Variants in ATP6V0A1 observed in about 807,000 individuals in gnomAD.
The protein encoded by ATP6V0A1 is V-type proton ATPase 116 kDa subunit a 1.
In ATP6V0A1, 43 loss-of-function variants were observed where a neutral mutation model predicts 105.4. That is an observed-to-expected ratio of 0.41 (90% CI 0.32 to 0.53). The LOEUF (loss-of-function observed/expected upper bound fraction) is 0.53. Ranked by LOEUF, ATP6V0A1 falls within the 20% of genes least tolerant of loss-of-function variation. The probability of loss-of-function intolerance (pLI) is 0.30; values close to 1 mark genes in which losing one functional copy is unlikely to be tolerated. For synonymous variants in ATP6V0A1, 362 were observed against 372.8 expected, an observed-to-expected ratio of 0.97 and a Z score of 0.33; for missense variants, 676 against 1,051.1, an observed-to-expected ratio of 0.64 and a Z score of 4.93.
intron 9 of ATP6V0A1, among the ~76,000 whole-genome samples, chr17:42,486,585 C>T (rs1176422065): frequency 6.6e-6 from 1 of 152,110 alleles, no homozygotes; most frequent in Non-Finnish European, 1.5e-5. Flanking sequence ...ATAAAGGTAA[C>T]ACCTTAGCTG....
At chr17:42,468,904 G>A (rs1027192073) in intron 4 of ATP6V0A1, among the ~76,000 whole-genome samples, 1 of 152,010 alleles carries the variant, frequency 6.6e-6, no homozygotes, top group Non-Finnish European at 1.5e-5. Flanking sequence ...GGACTACAGT[G>A]ACCCCATCTT....
At chr17:42,471,390 C>A (rs891480811) in intron 5 of ATP6V0A1, 1 of 150,466 alleles carries the variant, frequency 6.6e-6, no homozygotes, top group African/African-American at 2.5e-5. Context: ...CCACTGCACT[C>A]CAGCCTGGGC....
At chr17:42,514,020 T>C (rs2092483220) in intron 20 of ATP6V0A1, 42 bp downstream of exon 20, 1 of 1,574,702 alleles carries the variant, frequency 6.4e-7, no homozygotes, top group African/African-American at 1.4e-5. Flanking sequence ...AGTTTCCCCC[T>C]CTGTGGGCGC....
At chr17:42,513,817 C>T (rs1167704507) in intron 19 of ATP6V0A1, 44 bp from the exon 20 acceptor site, 6 of 1,569,492 alleles carry the variant, frequency 3.8e-6, no homozygotes, top group Non-Finnish European at 5.3e-6. Flanking sequence ...CTGCACGTTC[C>T]CCTCCTAGCC....
At chr17:42,520,696 T>C (rs983685211) in intron 21 of ATP6V0A1, 5 of 423,508 alleles carry the variant, frequency 1.2e-5, no homozygotes, top group African/African-American at 1.0e-4. Flanking sequence ...GAGGGGGCGA[T>C]GGGGGCCACT....
intron 12 of ATP6V0A1, 79 bp from the exon 13 acceptor site, chr17:42,494,955 C>T (rs1185015739): frequency 2.1e-6 from 3 of 1,442,442 alleles, no homozygotes; most frequent in African/African-American, 2.8e-5. Context: ...GAGAAAGGGG[C>T]AGGTATATTC....
intron 21 of ATP6V0A1, 60 bp from the exon 22 acceptor site, chr17:42,520,967 G>T: frequency 6.9e-7 from 1 of 1,449,844 alleles, no homozygotes; most frequent in Non-Finnish European, 9.4e-7. Flanking sequence ...CAACTGTGAA[G>T]TCCTAAAAAG....
intron 5 of ATP6V0A1, among the ~76,000 whole-genome samples, chr17:42,475,314 T>G (rs2088585012): frequency 6.6e-6 from 1 of 152,242 alleles, no homozygotes; most frequent in Admixed American, 6.5e-5. Context: ...TTCTACTTCC[T>G]TTTTGTAAGG....
chr17:42,507,531 CT>C lies in ATP6V0A1; in HGVS notation c.2019del (p.Phe673LeufsTer87). 1 of 1,612,174 alleles carries C rather than the reference CT, an allele frequency of 6.2e-7. No homozygotes were observed. Among genetic ancestry groups the C allele is most frequent in the Non-Finnish European group, 8.5e-7 (1 of 1,178,624 alleles). On this transcript the variant is annotated frameshift_variant, in exon 18 of 22. Coordinates refer to ENST00000343619, the MANE Select transcript of ATP6V0A1 (RefSeq NM_001130021.3). LOFTEE classifies it high-confidence loss of function. ...GTTCATCTGTGTAGGGAACTCTCAA[CT>C]TTGGTGGGATCAGGGTGGGCAACGG... is the stretch of plus-strand genomic sequence containing the variant. Reference protein sequence around the residue: ...LRRKHLGTLNFGGIRVGNGPT... With the variant: ...LRRKHLGTLNXGGIRVGNGPT...
intron 21 of ATP6V0A1, chr17:42,520,775 T>G (rs1291283148): frequency 2.0e-6 from 1 of 491,500 alleles, no homozygotes; most frequent in African/African-American, 1.9e-5. Context: ...CAGAGAGTTG[T>G]GCATAAACAC....
intron 21 of ATP6V0A1, among the ~76,000 whole-genome samples, chr17:42,515,718 G>A (rs964129343): frequency 8.5e-5 from 13 of 152,130 alleles, no homozygotes; most frequent in Admixed American, 7.2e-4. Context: ...AACCCAGGAA[G>A]TGGAGGTTGC....
intron 21 of ATP6V0A1, 120 bp from the exon 22 acceptor site, chr17:42,520,907 C>T: frequency 1.1e-6 from 1 of 870,054 alleles, no homozygotes; most frequent in Admixed American, 2.4e-5. Flanking sequence ...TCTAGCTTCC[C>T]CAGGGAAGGG....
At chr17:42,498,553 C>T (rs914709623) in intron 14 of ATP6V0A1, among the ~76,000 whole-genome samples, 5 of 152,106 alleles carry the variant, frequency 3.3e-5, no homozygotes, top group Non-Finnish European at 5.9e-5. Context: ...GTCGACCGGG[C>T]GCGGTGGCTC....
At chr17:42,472,993 G>A (rs1339847428) in intron 5 of ATP6V0A1, among the ~76,000 whole-genome samples, 1 of 152,228 alleles carries the variant, frequency 6.6e-6, no homozygotes, top group Non-Finnish European at 1.5e-5. Context: ...AAGGTCTGCT[G>A]AGGATGTGAT....
intron 8 of ATP6V0A1, 140 bp from the exon 9 acceptor site, chr17:42,482,895 CAAA>C (rs71359573): frequency 8.4e-3 from 1,235 of 147,440 alleles, no homozygotes; most frequent in East Asian, 0.016. Context: ...AACTCTGTCT[CAAA>C]AAAAAAAAAA....
At chr17:42,505,245 G>A (rs1388794717) in intron 17 of ATP6V0A1, among the ~76,000 whole-genome samples, 1 of 149,300 alleles carries the variant, frequency 6.7e-6, no homozygotes, top group Non-Finnish European at 1.5e-5. Flanking sequence ...TTGCCCTGTC[G>A]CCCAGGCTAG....
At chr17:42,498,537 A>C (rs529376831) in intron 14 of ATP6V0A1, among the ~76,000 whole-genome samples, 2 of 152,268 alleles carry the variant, frequency 1.3e-5, no homozygotes, top group African/African-American at 4.8e-5. Flanking sequence ...TTAATAAATA[A>C]AAATTGTCGA....
chr17:42,472,491 G>A (rs1255595673), intron 5 of ATP6V0A1, among the ~76,000 whole-genome samples: 3 of 151,998 alleles, frequency 2.0e-5, no homozygotes, highest in Non-Finnish European at 4.4e-5. Flanking sequence ...TTGGGAGGCC[G>A]AGGCAGGGGG....
At chr17:42,469,667 A>C (rs2087617855) in intron 4 of ATP6V0A1, among the ~76,000 whole-genome samples, 1 of 148,008 alleles carries the variant, frequency 6.8e-6, no homozygotes, top group Admixed American at 6.8e-5. Context: ...TATGAGATGG[A>C]GTTTTGCTCT....
Sources: allele counts gnomAD v4.1 joint callset (sites outside exome capture counted in the v4.1 genomes callset), GRCh38; gene constraint gnomAD v4.1.1; transcripts MANE v1.5; gene names NCBI Gene and HGNC (gene_info 2026-07-23, HGNC 2026-07-21).